Variants in B3GALT1 observed in about 807,000 individuals in gnomAD.
B3GALT1 encodes the protein UDP-Gal:betaGlcNAc beta 1,3-galactosyltransferase, polypeptide 1.
B3GALT1 carries 10 observed loss-of-function variants against 23.2 expected under a neutral mutation model. The ratio of observed to expected loss-of-function variants is 0.43; its 90% confidence interval spans 0.27 to 0.73. The LOEUF (loss-of-function observed/expected upper bound fraction) is 0.73, where lower values mean the gene tolerates loss of function less well. Among genes scored for constraint, B3GALT1 ranks in the 30% least tolerant of loss-of-function variants. The probability of loss-of-function intolerance (pLI) is 0.21; values close to 1 mark genes in which losing one functional copy is unlikely to be tolerated. For missense variants in B3GALT1, 299 were observed against 405.4 expected, an observed-to-expected ratio of 0.74 and a Z score of 2.25; for synonymous variants, 156 against 141.5, an observed-to-expected ratio of 1.10 and a Z score of -0.73.
intron 1 of B3GALT1, among the ~76,000 whole-genome samples, chr2:167,317,566 C>T (rs968279293): frequency 1.3e-5 from 2 of 152,154 alleles, no homozygotes; most frequent in African/African-American, 4.8e-5. Context: ...CTTCTATATT[C>T]TCCTTGAGTA....
At position 167,559,974 on chromosome 2, in the gene B3GALT1, G is replaced by C. The variant is rs531703734; in HGVS notation, c.-410+69697G>C. ...AGAGAATGCCACAAAGATACTCCTCGAGAAGAGCAACTCCAAGACACATAA... is the reference window on the plus strand; with the variant it reads ...AGAGAATGCCACAAAGATACTCCTCCAGAAGAGCAACTCCAAGACACATAA... On this transcript the variant is annotated intron_variant, in intron 2 of 4. Transcript: ENST00000392690. 1.3e-5 allele frequency among the ~76,000 whole-genome samples: 2 copies of C among 152,178 alleles called. 1 individual carries two copies. The highest frequency in any genetic ancestry group is 4.8e-5 in the African/African-American group (2 of 41,516).
chr2:167,441,294 C>A (rs1698889754), intron 1 of B3GALT1, among the ~76,000 whole-genome samples: 1 of 152,186 alleles, frequency 6.6e-6, no homozygotes, highest in Non-Finnish European at 1.5e-5. Flanking sequence ...GTTGTTCTTT[C>A]ATCTTTAGCT....
chr2:167,412,767 C>T (rs1385255443), intron 1 of B3GALT1, among the ~76,000 whole-genome samples: 7 of 152,194 alleles, frequency 4.6e-5, no homozygotes, highest in African/African-American at 1.7e-4. Context: ...TACATCTCTT[C>T]ATCAAATGGC....
intron 3 of B3GALT1, among the ~76,000 whole-genome samples, chr2:167,669,035 C>G (rs1435144211): frequency 6.6e-6 from 1 of 152,190 alleles, no homozygotes; most frequent in African/African-American, 2.4e-5. Flanking sequence ...TGTCCCCCTC[C>G]CTCCCCATTC....
chr2:167,299,923 A>G (rs1696418836), intron 1 of B3GALT1, among the ~76,000 whole-genome samples: 1 of 151,796 alleles, frequency 6.6e-6, no homozygotes, highest in African/African-American at 2.4e-5. Context: ...TTATTTTGAG[A>G]TGGAGTTTCG....
chr2:167,364,750 A>G (rs1697561297), intron 1 of B3GALT1, among the ~76,000 whole-genome samples: 1 of 152,128 alleles, frequency 6.6e-6, no homozygotes, highest in South Asian at 2.1e-4. Flanking sequence ...ACCCAGATAG[A>G]AGTTGTGCTT....
chr2:167,383,717 G>C (rs149590301), intron 1 of B3GALT1, among the ~76,000 whole-genome samples: 1 of 152,254 alleles, frequency 6.6e-6, no homozygotes, highest in African/African-American at 2.4e-5. Flanking sequence ...TAGATACTTA[G>C]TCTGGCTGGT....
intron 3 of B3GALT1, among the ~76,000 whole-genome samples, chr2:167,782,527 C>T (rs1372976601): frequency 1.3e-5 from 2 of 152,182 alleles, no homozygotes; most frequent in South Asian, 2.1e-4. Flanking sequence ...ATAGAAATCT[C>T]ACCTTACAAA....
chr2:167,793,906 A>G (rs1214400105), intron 3 of B3GALT1, among the ~76,000 whole-genome samples: 1 of 152,208 alleles, frequency 6.6e-6, no homozygotes, highest in Non-Finnish European at 1.5e-5. Flanking sequence ...TGCCCTCCGC[A>G]TAGGGAAGAG....
In B3GALT1 at chr2:167,783,199, T is replaced by A. The variant is rs552932678; in HGVS notation, c.-351-35473T>A. 3.4e-5 allele frequency among the ~76,000 whole-genome samples: 5 copies of A among 146,390 alleles called. No homozygotes were observed. The South Asian group carries it at 1.1e-3, about 32-fold the overall frequency. On this transcript the variant is annotated intron_variant, in intron 3 of 4. Transcript: ENST00000392690. ...TGATTAGAAAGAATAAAGAGGTATT[T>A]AAAAAAAAAAAGTAATGCCTCTTTC...
At chr2:167,805,324 T>G (rs1353362912) in intron 3 of B3GALT1, among the ~76,000 whole-genome samples, 1 of 152,144 alleles carries the variant, frequency 6.6e-6, no homozygotes, top group Non-Finnish European at 1.5e-5. Context: ...AGAAGCTCTT[T>G]AGTTTAATTA....
intron 1 of B3GALT1, among the ~76,000 whole-genome samples, chr2:167,354,347 C>CTTT (rs373088288): frequency 8.7e-6 from 1 of 115,056 alleles, no homozygotes; most frequent in African/African-American, 3.0e-5. Flanking sequence ...GGTAAATCTT[C>CTTT]TTTTTTTTTT....
At chr2:167,580,944 A>G (rs1271934705) in intron 2 of B3GALT1, among the ~76,000 whole-genome samples, 3 of 152,150 alleles carry the variant, frequency 2.0e-5, no homozygotes, top group East Asian at 3.8e-4. Flanking sequence ...TATATATTTG[A>G]TTTTTTAAAA....
At chr2:167,304,677 CAGAA>C (rs928914240) in intron 1 of B3GALT1, among the ~76,000 whole-genome samples, 7 of 150,922 alleles carry the variant, frequency 4.6e-5, no homozygotes, top group Non-Finnish European at 7.4e-5. Context: ...GACAGAGAGA[CAGAA>C]AGAGGGAGAG....
intron 1 of B3GALT1, among the ~76,000 whole-genome samples, chr2:167,431,670 G>C (rs928973833): frequency 6.6e-6 from 1 of 152,160 alleles, no homozygotes; most frequent in Admixed American, 6.5e-5. Context: ...TGAAGGAGGT[G>C]CATGCATGCA....
intron 2 of B3GALT1, among the ~76,000 whole-genome samples, chr2:167,567,732 A>G (rs572661198): frequency 1.3e-5 from 2 of 152,194 alleles, no homozygotes; most frequent in Admixed American, 6.5e-5. Context: ...CTACACTGAA[A>G]CAACATTATC....
At chr2:167,632,717 T>C (rs1267348999) in intron 2 of B3GALT1, among the ~76,000 whole-genome samples, 1 of 152,052 alleles carries the variant, frequency 6.6e-6, no homozygotes, top group Non-Finnish European at 1.5e-5. Context: ...GATGGACAGA[T>C]TGCAAAAATT....
At chr2:167,716,133 C>T in intron 3 of B3GALT1, 3 of 1,433,366 alleles carry the variant, frequency 2.1e-6, no homozygotes, top group Non-Finnish European at 2.9e-6. Flanking sequence ...GAACACGCAG[C>T]CTTGGGTCTG....
At chr2:167,545,175 C>A (rs1259644226) in intron 2 of B3GALT1, among the ~76,000 whole-genome samples, 1 of 151,640 alleles carries the variant, frequency 6.6e-6, no homozygotes, top group Non-Finnish European at 1.5e-5. Context: ...GCTGGGACTA[C>A]AGGTGCCCGC....
Sources: gnomAD v4.1 joint callset for allele counts (sites outside exome capture counted in the v4.1 genomes callset) on GRCh38, gnomAD v4.1.1 for gene constraint, MANE v1.5 for transcripts, NCBI Gene and HGNC (gene_info 2026-07-23, HGNC 2026-07-21) for gene names.